The following PRG4 variants were observed in gnomAD, a reference collection of about 807,000 sequenced individuals.
PRG4 encodes articular superficial zone protein.
PRG4 carries 61 observed loss-of-function variants against 91.2 expected under a neutral mutation model. The ratio of observed to expected loss-of-function variants is 0.67; its 90% CI spans 0.54 to 0.83. PRG4 has a LOEUF of 0.83. PRG4 is among the 40% of genes least tolerant of loss of function. The pLI is 0.00. For missense variants in PRG4, 1,564 were observed against 1,714.2 expected, an observed-to-expected ratio of 0.91 and a Z score of 1.55; for synonymous variants, 576 against 614.2, an observed-to-expected ratio of 0.94 and a Z score of 0.92.
rs1366168601 is a variant in PRG4 at position 186,306,860 on chromosome 1, C to G, written c.1141C>G (p.Pro381Ala). The G allele has an allele frequency of 6.2e-7, 1 of 1,609,244 alleles. No homozygotes were observed. Among genetic ancestry groups the G allele is most frequent in the South Asian group, 1.1e-5 (1 of 90,830 alleles). The part of the protein sequence containing the change: ...IKSAPTTPKE[P>A]APTTTKSAPT... Reference sequence around the variant, plus strand: ...GTCTGCACCCACCACCCCCAAGGAGCCTGCACCCACCACCACCAAGTCTGC... The same window carrying G: ...GTCTGCACCCACCACCCCCAAGGAGGCTGCACCCACCACCACCAAGTCTGC... Residue 381 changes from proline (P) to alanine (A), a missense_variant, in exon 7 of 13, where the codon CCT (proline) becomes GCT (alanine). Transcript: ENST00000445192.
intron 11 of PRG4, 47 bp downstream of exon 11, chr1:186,312,419 T>G: frequency 6.6e-7 from 1 of 1,505,744 alleles, no homozygotes; most frequent in Non-Finnish European, 9.1e-7. Flanking sequence ...TAAGTAGATG[T>G]AATACAGTTT....
At chr1:186,302,070 G>T (rs1178859646) in intron 4 of PRG4, among the ~76,000 whole-genome samples, 1 of 152,104 alleles carries the variant, frequency 6.6e-6, no homozygotes, top group Non-Finnish European at 1.5e-5. Flanking sequence ...CTGACTTCAC[G>T]AAGTCAACTA....
At chr1:186,303,341 A>C (rs563889652) in intron 4 of PRG4, among the ~76,000 whole-genome samples, 6 of 152,000 alleles carry the variant, frequency 3.9e-5, no homozygotes, top group Non-Finnish European at 7.4e-5. Context: ...AGACTATAGC[A>C]GTAGGGTTCT....
Position 186,308,543 on chromosome 1 carries a change from GCAACTA to G in PRG4, c.2829_2834del (p.Thr944_Thr945del), listed in dbSNP as rs1272836687. The G allele has an allele frequency of 9.9e-6, 16 of 1,613,446 alleles. No individual in the cohort carries two copies. Among genetic ancestry groups the G allele is most frequent in the Non-Finnish European group, 1.4e-5 (16 of 1,180,022 alleles). On this transcript the variant is annotated inframe_deletion, in exon 7 of 13. Coordinates refer to ENST00000445192, the MANE Select transcript of PRG4 (RefSeq NM_005807.6). ...TGCACCTAAGATGACAAAAGAGACA[GCAACTA>G]CAACAGAAAAAACTACCGAATCCAA...
chr1:186,303,618 T>C (rs1249946043), intron 4 of PRG4, among the ~76,000 whole-genome samples: 1 of 152,076 alleles, frequency 6.6e-6, no homozygotes, highest in Non-Finnish European at 1.5e-5. Context: ...AGGTGTGAAC[T>C]TTTCACAAGA....
chr1:186,312,853 TC>T lies in PRG4; in HGVS notation c.4077del (p.Arg1360GlufsTer55). On this transcript the variant is annotated frameshift_variant, in exon 12 of 13. Transcript: ENST00000445192. LOFTEE classifies it high-confidence loss of function. ...ACCTCAGCTATATCACTGCCCAACA[TC>T]AGAAAACCTGACGGCTATGATTACT... The part of the protein sequence containing the change: ...VVTSAISLPN[I>X]RKPDGYDYYA... The T allele has an allele frequency of 1.2e-6, 2 of 1,612,618 alleles. No homozygotes were observed. Among genetic ancestry groups the T allele is most frequent in the Non-Finnish European group, 1.7e-6 (2 of 1,178,694 alleles).
intron 2 of PRG4, among the ~76,000 whole-genome samples, chr1:186,299,678 A>G (rs1177675650): frequency 6.6e-6 from 1 of 152,192 alleles, no homozygotes; most frequent in African/African-American, 2.4e-5. Context: ...GCTCTAAAAA[A>G]GGGCTACTAA....
At position 186,304,760 on chromosome 1, in the gene PRG4, G is replaced by T. The variant is rs752300322; in HGVS notation, c.470-34G>T. The T allele has an allele frequency of 1.5e-5, 24 of 1,597,492 alleles. No individual in the cohort carries two copies. The African/African-American group carries it at 3.1e-4, about 21-fold the overall frequency. On this transcript the variant is annotated intron_variant, in intron 5 of 12. Transcript: ENST00000445192. ...TGGTTCTTTTTTGTTTTAAATCACA[G>T]TTGGTGTGATCAAACTTTCTATTTG...
intron 4 of PRG4, 74 bp downstream of exon 4, chr1:186,301,785 T>C: frequency 3.3e-6 from 5 of 1,526,246 alleles, no homozygotes; most frequent in East Asian, 4.5e-5. Flanking sequence ...TCACTGATAA[T>C]GTCTAACACG....
rs1272303822 is a variant in PRG4, at chr1:186,311,188, G to T, written c.3636+18G>T. ...TCTTTAAGGTAACACAAATATCTTT[G>T]TGAGAGAAATTTAATAATAATTTGT... On this transcript the variant is annotated intron_variant, in intron 9 of 12. Transcript: ENST00000445192. The T allele has an allele frequency of 6.2e-7, 1 of 1,600,482 alleles. No homozygotes were observed. Among genetic ancestry groups the T allele is most frequent in the Non-Finnish European group, 8.6e-7 (1 of 1,168,014 alleles).
intron 3 of PRG4, 110 bp downstream of exon 3, chr1:186,300,323 T>G (rs1656125107): frequency 7.0e-7 from 1 of 1,420,336 alleles, no homozygotes; most frequent in Non-Finnish European, 9.9e-7. Flanking sequence ...TTGCACCCAC[T>G]TGCAGTGCTG....
intron 11 of PRG4, 132 bp from the exon 12 acceptor site, chr1:186,312,637 T>A: frequency 1.0e-6 from 1 of 972,044 alleles, no homozygotes. Context: ...GAACATTATA[T>A]ACCAGTCTAT....
At chr1:186,309,906 T>C in intron 8 of PRG4, 36 bp downstream of exon 8, 1 of 1,571,682 alleles carries the variant, frequency 6.4e-7, no homozygotes, top group Non-Finnish European at 8.8e-7. Context: ...CTTCTCATCA[T>C]TCTGTTTTGG....
At position 186,313,679 on chromosome 1, in the gene PRG4, A is replaced by C; in HGVS notation, c.4118-2A>C. ...TAAAAAAATGTTTTCTCTTCCATTT[A>C]GATCAATACTATAACATTGATGTGC... On this transcript the variant is annotated splice_acceptor_variant, in intron 12 of 12. Coordinates refer to ENST00000445192, the MANE Select transcript of PRG4 (RefSeq NM_005807.6). LOFTEE classifies it high-confidence loss of function. The C allele has an allele frequency of 6.4e-7, 1 of 1,572,568 alleles. No homozygotes were observed. The highest frequency in any genetic ancestry group is 8.8e-7 in the Non-Finnish European group (1 of 1,142,644).
In PRG4 at chr1:186,314,551, G is replaced by C. The variant is rs2102045039; in HGVS notation, c.*773G>C. ...GGAACATTAAAAAAATAAATTGGAGGCTTAAGGATTAGAAAACTTGTTCCA... is the reference window on the plus strand; with the variant it reads ...GGAACATTAAAAAAATAAATTGGAGCCTTAAGGATTAGAAAACTTGTTCCA... On this transcript the variant is annotated 3_prime_UTR_variant, in exon 13 of 13. Transcript: ENST00000445192. 4.6e-6 allele frequency: 5 copies of C among 1,098,564 alleles called. No homozygotes were observed. In the South Asian group the frequency reaches 6.5e-5, roughly 14 times the overall value. The allele number at this position is 1,098,564 out of a possible 1,614,324, so 68.1% of individuals were successfully genotyped here.
At position 186,307,571 on chromosome 1, in the gene PRG4, C is replaced by A; in HGVS notation, c.1852C>A (p.Pro618Thr). Residue 618 changes from proline (P) to threonine (T), a missense_variant, in exon 7 of 13, where the codon CCC becomes ACC. Pro to Thr is a conservative substitution (Grantham distance 38). Transcript: ENST00000445192. ...CCCAACTACCCCCAAGGAGACTGCA[C>A]CCACCACCCCCAAGAAGCTCACGCC... ...PAPTTPKETA[P>T]TTPKKLTPTT... 6.2e-7 allele frequency: 1 copy of A among 1,602,312 alleles called. No individual in the cohort carries two copies. The highest frequency in any genetic ancestry group is 8.5e-7 in the Non-Finnish European group (1 of 1,175,232).
chr1:186,306,195 A>T lies in PRG4; in HGVS notation c.599-123A>T, dbSNP rs1656542080. 6.5e-6 allele frequency: 5 copies of T among 764,840 alleles called. No homozygotes were observed. The East Asian group carries it at 1.3e-4, about 21-fold the overall frequency. 47.4% of individuals were successfully genotyped at this position (764,840 alleles called of 1,614,324 possible). A position where few individuals can be genotyped will look rare whatever the true frequency, so the allele number is the denominator to read the frequency against. On this transcript the variant is annotated intron_variant, in intron 6 of 12. Transcript: ENST00000445192. ...GCCATTTTACAACAAATTAAAGGAC[A>T]TAGTAGAGATTAGCAATTTGCTTAG... is the stretch of plus-strand genomic sequence containing the variant.
intron 2 of PRG4, 123 bp from the exon 3 acceptor site, chr1:186,299,968 C>A (rs1656090883): frequency 1.7e-6 from 2 of 1,184,886 alleles, no homozygotes; most frequent in African/African-American, 3.0e-5. Context: ...TTGCTGACAT[C>A]ATTCCAACAC....
chr1:186,303,746 G>A (rs1477440142), intron 4 of PRG4, among the ~76,000 whole-genome samples: 2 of 152,010 alleles, frequency 1.3e-5, no homozygotes, highest in African/African-American at 4.8e-5. Flanking sequence ...AAATTCTGAA[G>A]GCAAAGACCT....
Sources: gnomAD v4.1 joint callset for allele counts (sites outside exome capture counted in the v4.1 genomes callset) on GRCh38, gnomAD v4.1.1 for gene constraint, MANE v1.5 for transcripts, NCBI Gene and HGNC (gene_info 2026-07-23, HGNC 2026-07-21) for gene names.